PIK3C2G: variants seen among roughly 807,000 people sequenced by gnomAD.
PIK3C2G encodes the protein phosphatidylinositol 3-kinase C2 domain-containing subunit gamma.
Under a neutral mutation model 181.1 loss-of-function variants are expected in PIK3C2G, and 168 were observed. The ratio of observed to expected loss-of-function variants is 0.93; its 90% CI spans 0.82 to 1.05. The LOEUF (loss-of-function observed/expected upper bound fraction) is 1.05. PIK3C2G is among the 50% of genes least tolerant of loss of function. PIK3C2G has a pLI of 0.00. For synonymous variants in PIK3C2G, 573 were observed against 592.2 expected (o/e 0.97, Z 0.47); for missense variants, 1,869 against 1,732.8 (o/e 1.08, Z -1.40).
exon 1 of PIK3C2G, chr12:18,247,714 A>G (rs1948054473): frequency 1.3e-5 from 2 of 152,182 alleles, no homozygotes; most frequent in Admixed American, 1.3e-4. Flanking sequence ...CTTATTGTAC[A>G]TATGCCTGAC....
At chr12:18,581,823 G>A (rs1592639202) in intron 29 of PIK3C2G, among the ~76,000 whole-genome samples, 1 of 152,080 alleles carries the variant, frequency 6.6e-6, no homozygotes, top group African/African-American at 2.4e-5. Flanking sequence ...GGGTGAGAGT[G>A]TAAATATGAA....
intron 18 of PIK3C2G, among the ~76,000 whole-genome samples, chr12:18,461,135 G>C (rs948462779): frequency 2.0e-5 from 3 of 152,006 alleles, no homozygotes; most frequent in African/African-American, 7.2e-5. Context: ...GTGCATTATA[G>C]ATATTGTGAT....
intron 1 of PIK3C2G, among the ~76,000 whole-genome samples, chr12:18,264,090 C>T (rs1315750500): frequency 6.6e-6 from 1 of 152,046 alleles, no homozygotes; most frequent in East Asian, 1.9e-4. Flanking sequence ...TTGCTTCCTA[C>T]CGGTAGAAAA....
the PIK3C2G span, among the ~76,000 whole-genome samples, chr12:18,656,304 G>A: frequency 3.9e-5 from 6 of 152,040 alleles, no homozygotes; most frequent in Admixed American, 6.6e-5. Flanking sequence ...GTGGCTGGGC[G>A]CAGTGGGTCA....
At chr12:18,550,569 T>A (rs950540396) in intron 26 of PIK3C2G, among the ~76,000 whole-genome samples, 1 of 152,078 alleles carries the variant, frequency 6.6e-6, no homozygotes, top group Non-Finnish European at 1.5e-5. Flanking sequence ...GGTGTCTTCG[T>A]GCTTCAATGA....
rs191545823 is a variant in PIK3C2G at position 18,396,214 on chromosome 12, T to C, written c.2127-3445T>C. 4.9e-3 allele frequency among the ~76,000 whole-genome samples: 748 copies of C among 151,690 alleles called. 15 individuals are homozygous for C. Among genetic ancestry groups the C allele is most frequent in the Admixed American group, 0.013 (191 of 15,258 alleles). On this transcript the variant is annotated intron_variant, in intron 15 of 32. Coordinates refer to ENST00000538779, the MANE Select transcript of PIK3C2G (RefSeq NM_001288772.2). ...TATATATAAGCAATTAGATTAAACA[T>C]TTTATATATAAGCAATTAGATTAAA...
intron 14 of PIK3C2G, among the ~76,000 whole-genome samples, chr12:18,389,407 T>C (rs1307704912): frequency 6.6e-6 from 1 of 151,274 alleles, no homozygotes. Context: ...GCCACAGCCA[T>C]AGAAGGAGAA....
At chr12:18,270,679 T>A (rs1948710655) in intron 1 of PIK3C2G, among the ~76,000 whole-genome samples, 1 of 152,176 alleles carries the variant, frequency 6.6e-6, no homozygotes, top group Non-Finnish European at 1.5e-5. Context: ...TTGTGGGTAC[T>A]TTATGGTTAA....
At chr12:18,716,694 TCTTAA>T in the PIK3C2G span, among the ~76,000 whole-genome samples, 6 of 152,236 alleles carry the variant, frequency 3.9e-5, no homozygotes, top group African/African-American at 9.6e-5. Flanking sequence ...AAATTTCCAC[TCTTAA>T]CTTTATTTCA....
intron 13 of PIK3C2G, among the ~76,000 whole-genome samples, chr12:18,375,001 G>T (rs1241952277): frequency 6.6e-6 from 1 of 152,178 alleles, no homozygotes; most frequent in Non-Finnish European, 1.5e-5. Context: ...CTTTTAAATT[G>T]CCCAGTCTCA....
intron 26 of PIK3C2G, among the ~76,000 whole-genome samples, chr12:18,562,163 C>T (rs915898523): frequency 1.3e-5 from 2 of 152,216 alleles, no homozygotes; most frequent in African/African-American, 2.4e-5. Context: ...GACGGAGTCT[C>T]GCTCTGTCAC....
At chr12:18,494,851 T>C (rs1012473345) in intron 20 of PIK3C2G, among the ~76,000 whole-genome samples, 1 of 152,130 alleles carries the variant, frequency 6.6e-6, no homozygotes, top group Non-Finnish European at 1.5e-5. Flanking sequence ...TGTTTCTAGA[T>C]AAAACATCTA....
At chr12:18,396,014 A>G (rs970438356) in intron 15 of PIK3C2G, among the ~76,000 whole-genome samples, 22 of 151,712 alleles carry the variant, frequency 1.5e-4, no homozygotes, top group African/African-American at 5.3e-4. Context: ...TAATAGCAGT[A>G]CAGTGAGCCT....
chr12:18,497,801 A>C, intron 22 of PIK3C2G, 53 bp downstream of exon 22: 2 of 1,409,300 alleles, frequency 1.4e-6, no homozygotes, highest in Non-Finnish European at 1.9e-6. Flanking sequence ...TCACACATTC[A>C]CTAGTAATAG....
At chr12:18,466,688 T>C (rs956970738) in intron 18 of PIK3C2G, among the ~76,000 whole-genome samples, 1 of 151,950 alleles carries the variant, frequency 6.6e-6, no homozygotes, top group African/African-American at 2.4e-5. Context: ...GGATGATTTA[T>C]TTAGAGAAGC....
At chr12:18,247,878 A>C (rs1948056593) in exon 1 of PIK3C2G, 1 of 152,180 alleles carries the variant, frequency 6.6e-6, no homozygotes, top group Non-Finnish European at 1.5e-5. Flanking sequence ...ACTGCTTTTC[A>C]TTAAAAAGGA....
intron 5 of PIK3C2G, among the ~76,000 whole-genome samples, chr12:18,308,578 T>C (rs776770763): frequency 3.3e-5 from 5 of 151,586 alleles, no homozygotes; most frequent in Admixed American, 6.6e-5. Flanking sequence ...TAACACTCTT[T>C]ATTTCCTTTA....
intron 5 of PIK3C2G, among the ~76,000 whole-genome samples, chr12:18,303,063 A>G (rs1950242824): frequency 1.3e-5 from 2 of 149,258 alleles, no homozygotes; most frequent in Non-Finnish European, 3.0e-5. Context: ...GATGGGCCTA[A>G]CCTATGTGAT....
At chr12:18,252,074 T>A (rs1291076045) in intron 1 of PIK3C2G, among the ~76,000 whole-genome samples, 1 of 152,150 alleles carries the variant, frequency 6.6e-6, no homozygotes, top group Non-Finnish European at 1.5e-5. Context: ...CAAATATTCA[T>A]GTTAGAAATT....
Sources: gnomAD v4.1 joint callset for allele counts (sites outside exome capture counted in the v4.1 genomes callset) on GRCh38, gnomAD v4.1.1 for gene constraint, MANE v1.5 for transcripts, NCBI Gene and HGNC (gene_info 2026-07-23, HGNC 2026-07-21) for gene names.